The following THSD7B variants were observed in gnomAD, a reference collection of about 807,000 sequenced individuals.
THSD7B encodes the protein thrombospondin type 1 domain containing 7B, also known as thrombospondin type-1 domain-containing protein 7B.
A neutral mutation model predicts 213.6 loss-of-function variants in THSD7B; 138 were observed. The ratio of observed to expected loss-of-function variants is 0.65; its 90% CI spans 0.56 to 0.74. The LOEUF (loss-of-function observed/expected upper bound fraction) is 0.74, where lower values mean the gene tolerates loss of function less well. THSD7B is among the 30% of genes least tolerant of loss of function. The probability of loss-of-function intolerance (pLI) is 0.00; values close to 1 mark genes in which losing one functional copy is unlikely to be tolerated. For synonymous variants in THSD7B, 742 were observed against 687.0 expected, an observed-to-expected ratio of 1.08 and a Z score of -1.25; for missense variants, 1,931 against 1,991.5, an observed-to-expected ratio of 0.97 and a Z score of 0.58.
chr2:137,091,521 A>ATTTTATTTTATTTTAT (rs371495091), intron 3 of THSD7B, among the ~76,000 whole-genome samples: 1 of 118,784 alleles, frequency 8.4e-6, no homozygotes, highest in African/African-American at 2.9e-5. Context: ...ATTTTATTTT[A>ATTTTATTTTATTTTAT]TTCATTCATT....
At chr2:137,594,224 A>G (rs532892192) in intron 17 of THSD7B, among the ~76,000 whole-genome samples, 1 of 152,088 alleles carries the variant, frequency 6.6e-6, no homozygotes, top group African/African-American at 2.4e-5. Flanking sequence ...ATCTCCTGCC[A>G]CTAGTTACTT....
intron 2 of THSD7B, among the ~76,000 whole-genome samples, chr2:137,008,567 C>T (rs569431278): frequency 1.3e-5 from 2 of 152,182 alleles, no homozygotes; most frequent in Non-Finnish European, 1.5e-5. Context: ...GATTAATTTT[C>T]ACTATACTGT....
At chr2:137,192,309 G>A (rs1315300853) in intron 7 of THSD7B, among the ~76,000 whole-genome samples, 1 of 152,138 alleles carries the variant, frequency 6.6e-6, no homozygotes, top group African/African-American at 2.4e-5. Context: ...GTATATTATA[G>A]TATAGGCAGT....
intron 10 of THSD7B, among the ~76,000 whole-genome samples, chr2:137,264,660 TC>T (rs1682537734): frequency 6.6e-6 from 1 of 152,164 alleles, no homozygotes; most frequent in East Asian, 1.9e-4. Context: ...TATTATGGCA[TC>T]CATTTGTGAT....
intron 15 of THSD7B, among the ~76,000 whole-genome samples, chr2:137,522,755 A>C (rs1224213056): frequency 6.6e-6 from 1 of 152,150 alleles, no homozygotes; most frequent in African/African-American, 2.4e-5. Context: ...TTGATTAGAA[A>C]TCTCTCAGCA....
intron 14 of THSD7B, among the ~76,000 whole-genome samples, chr2:137,438,561 A>G (rs959210427): frequency 6.6e-6 from 1 of 152,030 alleles, no homozygotes; most frequent in African/African-American, 2.4e-5. Flanking sequence ...TCCCAACAAA[A>G]CTGTATTTAC....
intron 1 of THSD7B, among the ~76,000 whole-genome samples, chr2:136,855,996 C>T (rs78960507): frequency 1.0e-4 from 1 of 9,590 alleles, no homozygotes; most frequent in Non-Finnish European, 1.9e-4. Context: ...GGAAGTTTTT[C>T]CCTATCCACC....
chr2:137,410,006 C>T (rs1370996699), intron 13 of THSD7B, among the ~76,000 whole-genome samples: 1 of 152,018 alleles, frequency 6.6e-6, no homozygotes, highest in Non-Finnish European at 1.5e-5. Context: ...AGAAATGAAA[C>T]TGAAGAGATG....
chr2:137,395,921 TTTC>T (rs1213884941), intron 12 of THSD7B, among the ~76,000 whole-genome samples: 1 of 151,754 alleles, frequency 6.6e-6, no homozygotes, highest in African/African-American at 2.4e-5. Context: ...AATTTATCCA[TTTC>T]TTCTAGATTT....
chr2:137,233,565 A>G (rs1681692727), intron 9 of THSD7B, among the ~76,000 whole-genome samples: 1 of 152,208 alleles, frequency 6.6e-6, no homozygotes, highest in Non-Finnish European at 1.5e-5. Flanking sequence ...AGATACATCC[A>G]TACAGCCATT....
chr2:137,205,194 G>A (rs1325900869), intron 7 of THSD7B, among the ~76,000 whole-genome samples: 1 of 152,014 alleles, frequency 6.6e-6, no homozygotes, highest in Non-Finnish European at 1.5e-5. Flanking sequence ...GCCAGTGAAG[G>A]TGAAAAAACT....
At chr2:137,496,771 C>CT (rs1447019702) in intron 15 of THSD7B, among the ~76,000 whole-genome samples, 3 of 152,136 alleles carry the variant, frequency 2.0e-5, no homozygotes, top group African/African-American at 7.2e-5. Flanking sequence ...GATTTAATTT[C>CT]TTTCTGTAGA....
In THSD7B at chr2:137,139,875, T is replaced by C. The variant is rs549574876; in HGVS notation, c.1370-20338T>C. Among the ~76,000 whole-genome samples the C allele has an allele frequency of 5.3e-5, 8 of 152,256 alleles. No homozygotes were observed. In the South Asian group the frequency reaches 1.7e-3, roughly 32 times the overall value. On this transcript the variant is annotated intron_variant, in intron 5 of 27. Transcript: ENST00000409968. ...AAAGATAACACATGATGTCAAATAC[T>C]TTATGATATTTTATATCAATGACAC...
At chr2:137,665,598 T>C (rs115440262) in intron 26 of THSD7B, among the ~76,000 whole-genome samples, 9 of 152,062 alleles carry the variant, frequency 5.9e-5, no homozygotes, top group Admixed American at 5.9e-4. Flanking sequence ...ACTAATATAC[T>C]TATTTACCTG....
intron 1 of THSD7B, among the ~76,000 whole-genome samples, chr2:136,823,732 A>G (rs145740248): frequency 2.4e-4 from 37 of 151,862 alleles, no homozygotes; most frequent in African/African-American, 8.7e-4. Flanking sequence ...TTTTCTTGGG[A>G]TTTAGATTGT....
intron 2 of THSD7B, among the ~76,000 whole-genome samples, chr2:137,027,737 C>A (rs1236617145): frequency 2.0e-5 from 3 of 152,148 alleles, no homozygotes; most frequent in Non-Finnish European, 4.4e-5. Flanking sequence ...GGTATATTCT[C>A]AGGGCACAGA....
chr2:136,866,984 T>C (rs1001940796), intron 1 of THSD7B, among the ~76,000 whole-genome samples: 5 of 152,136 alleles, frequency 3.3e-5, no homozygotes, highest in Non-Finnish European at 4.4e-5. Context: ...AATCTACTAC[T>C]GGAATAGAAT....
At chr2:137,342,553 A>G (rs1204315231) in intron 12 of THSD7B, among the ~76,000 whole-genome samples, 2 of 151,660 alleles carry the variant, frequency 1.3e-5, no homozygotes, top group Admixed American at 1.3e-4. Flanking sequence ...ACTGTGTTAC[A>G]TAGAAGTTGC....
chr2:137,661,466 T>A (rs774463184), intron 25 of THSD7B, among the ~76,000 whole-genome samples: 1 of 151,748 alleles, frequency 6.6e-6, no homozygotes, highest in Admixed American at 6.6e-5. Flanking sequence ...CCTCCTTGAG[T>A]GCAGAAGTAA....
Sources: allele counts gnomAD v4.1 joint callset (sites outside exome capture counted in the v4.1 genomes callset), GRCh38; gene constraint gnomAD v4.1.1; transcripts MANE v1.5; gene names NCBI Gene and HGNC (gene_info 2026-07-23, HGNC 2026-07-21).